Variants in GTF2E2 observed in about 807,000 individuals in gnomAD.
GTF2E2 encodes the protein transcription initiation factor IIE subunit beta.
A neutral mutation model predicts 40.5 loss-of-function variants in GTF2E2; 21 were observed. The ratio of observed to expected loss-of-function variants is 0.52; its 90% CI spans 0.37 to 0.75. The LOEUF (loss-of-function observed/expected upper bound fraction) is 0.75. Among genes scored for constraint, GTF2E2 ranks in the 30% least tolerant of loss-of-function variants. The pLI, the probability that GTF2E2 is intolerant of heterozygous loss-of-function variation, is 0.00. For missense variants in GTF2E2, 298 were observed against 338.4 expected (o/e 0.88, Z 0.94); for synonymous variants, 117 against 121.6 (o/e 0.96, Z 0.25).
At chr8:30,609,193 G>C (rs1327297300) in intron 5 of GTF2E2, among the ~76,000 whole-genome samples, 1 of 151,050 alleles carries the variant, frequency 6.6e-6, no homozygotes, top group Non-Finnish European at 1.5e-5. Flanking sequence ...TTAAACCAAG[G>C]AGACAGAGGT....
chr8:30,608,584 G>C (rs1026926577), intron 5 of GTF2E2, among the ~76,000 whole-genome samples: 1 of 152,138 alleles, frequency 6.6e-6, no homozygotes, highest in Non-Finnish European at 1.5e-5. Context: ...GTGGTAAAAG[G>C]TGATAACTAC....
chr8:30,593,206 GA>G (rs1200623508), intron 6 of GTF2E2, among the ~76,000 whole-genome samples: 2 of 152,124 alleles, frequency 1.3e-5, no homozygotes, highest in Admixed American at 1.3e-4. Flanking sequence ...AGAAAAAAAG[GA>G]AAATACATGC....
At chr8:30,619,683 G>A (rs1264888066) in intron 3 of GTF2E2, among the ~76,000 whole-genome samples, 1 of 151,912 alleles carries the variant, frequency 6.6e-6, no homozygotes, top group Non-Finnish European at 1.5e-5. Context: ...CACTGCGCCT[G>A]GCCAAACTGA....
intron 3 of GTF2E2, among the ~76,000 whole-genome samples, chr8:30,632,203 A>G (rs1801455546): frequency 6.6e-6 from 1 of 152,230 alleles, no homozygotes; most frequent in African/African-American, 2.4e-5. Context: ...TAACATGACA[A>G]GCAGCGCAGA....
intron 2 of GTF2E2, among the ~76,000 whole-genome samples, chr8:30,637,455 T>C (rs1801643274): frequency 6.6e-6 from 1 of 152,200 alleles, no homozygotes; most frequent in African/African-American, 2.4e-5. Flanking sequence ...ATAATACAGA[T>C]ATTTCTATGC....
intron 6 of GTF2E2, among the ~76,000 whole-genome samples, chr8:30,587,629 T>C (rs984297485): frequency 6.6e-6 from 1 of 151,934 alleles, no homozygotes; most frequent in African/African-American, 2.4e-5. Flanking sequence ...TCCCAGCACT[T>C]TGGGAGGCCA....
At chr8:30,645,729 GA>G (rs1374079559) in intron 2 of GTF2E2, 25 of 911,676 alleles carry the variant, frequency 2.7e-5, no homozygotes, top group Non-Finnish European at 3.7e-5. Flanking sequence ...AGTAGAAGGG[GA>G]AAAAAAAGTT....
At chr8:30,634,842 C>T (rs921669218) in intron 3 of GTF2E2, among the ~76,000 whole-genome samples, 190 bp downstream of exon 3, 10 of 152,140 alleles carry the variant, frequency 6.6e-5, no homozygotes, top group African/African-American at 1.2e-4. Flanking sequence ...TTTGGTAACT[C>T]GCCACAATGC....
At chr8:30,619,337 T>C (rs985355545) in intron 3 of GTF2E2, among the ~76,000 whole-genome samples, 7 of 152,138 alleles carry the variant, frequency 4.6e-5, no homozygotes, top group African/African-American at 1.2e-4. Flanking sequence ...AAAATCAAAA[T>C]TGTCAGTAAT....
chr8:30,620,714 CAGTA>C (rs60322240), intron 3 of GTF2E2, among the ~76,000 whole-genome samples: 121,393 of 150,220 alleles, frequency 0.81, 49,859 homozygotes, highest in African/African-American at 0.93. Flanking sequence ...CACCTGAGTT[CAGTA>C]AGTAGTTCAA....
chr8:30,581,629 A>G (rs959986136), intron 6 of GTF2E2, among the ~76,000 whole-genome samples: 4 of 152,230 alleles, frequency 2.6e-5, no homozygotes, highest in Admixed American at 2.6e-4. Context: ...ATGTCTCTAA[A>G]TAAGATTTTT....
intron 2 of GTF2E2, among the ~76,000 whole-genome samples, chr8:30,651,233 GGAAA>G (rs1320515833): frequency 6.6e-6 from 1 of 151,670 alleles, no homozygotes. Flanking sequence ...AGTTCACACC[GGAAA>G]GAAAGAAAGA....
At position 30,607,167 on chromosome 8, in the gene GTF2E2, A is replaced by G; in HGVS notation, c.550-17T>C. ...CCCCAAAGCCTTAAAGATAGATAAAATAAAGATTTTTCAGTTAACTCCAAA... is the reference window on the plus strand; with the variant it reads ...CCCCAAAGCCTTAAAGATAGATAAAGTAAAGATTTTTCAGTTAACTCCAAA... On this transcript the variant is annotated splice_polypyrimidine_tract_variant and intron_variant, in intron 5 of 7. Transcript: ENST00000355904. 9.5e-7 allele frequency: 1 copy of G among 1,053,622 alleles called. No individual in the cohort carries two copies. 65.3% of individuals were successfully genotyped at this position (1,053,622 alleles called of 1,614,324 possible). A position where few individuals can be genotyped will look rare whatever the true frequency, so the allele number is the denominator to read the frequency against.
intron 6 of GTF2E2, among the ~76,000 whole-genome samples, chr8:30,589,814 G>GCA (rs1828790672): frequency 1.3e-5 from 2 of 152,150 alleles, no homozygotes; most frequent in Non-Finnish European, 2.9e-5. Flanking sequence ...CTGAGCAATT[G>GCA]CACTTTTTAC....
chr8:30,584,338 G>C (rs1828610963), intron 6 of GTF2E2, among the ~76,000 whole-genome samples: 1 of 146,386 alleles, frequency 6.8e-6, no homozygotes, highest in Admixed American at 6.7e-5. Flanking sequence ...ATTATAGAAT[G>C]GTATTTAAAA....
chr8:30,618,657 A>C (rs1800996568), intron 3 of GTF2E2, among the ~76,000 whole-genome samples: 4 of 152,152 alleles, frequency 2.6e-5, no homozygotes, highest in Admixed American at 2.6e-4. Context: ...AAAAGGCAAA[A>C]TGTTTCAAAT....
Position 30,602,754 on chromosome 8 carries a change from C to CAAA in GTF2E2, c.643+4300_643+4302dup, listed in dbSNP as rs35330702. On this transcript the variant is annotated intron_variant, in intron 6 of 7. Transcript: ENST00000355904. The stretch of plus-strand genomic sequence containing the variant: ...GGGCAACAAGAGCGAAACTCCGTCT[C>CAAA]AAAAAAAAAAAAAAAAAGGTGTTCA... 1.7e-3 allele frequency among the ~76,000 whole-genome samples: 155 copies of CAAA among 91,942 alleles called. 1 individual carries two copies. Among genetic ancestry groups the CAAA allele is most frequent in the East Asian group, 2.8e-3 (8 of 2,826 alleles). 60.3% of individuals were successfully genotyped at this position (91,942 alleles called of 152,430 possible).
intron 1 of GTF2E2, among the ~76,000 whole-genome samples, chr8:30,654,788 G>T (rs79968743): frequency 6.6e-6 from 1 of 152,050 alleles, no homozygotes; most frequent in Non-Finnish European, 1.5e-5. Context: ...AGAAACATGA[G>T]GACTACAGGG....
chr8:30,602,106 C>G (rs903621443), intron 6 of GTF2E2, among the ~76,000 whole-genome samples: 1 of 151,812 alleles, frequency 6.6e-6, no homozygotes, highest in Non-Finnish European at 1.5e-5. Context: ...CAACCTCCAC[C>G]TCCCAGGTTC....
Sources: allele counts gnomAD v4.1 joint callset (sites outside exome capture counted in the v4.1 genomes callset), GRCh38; gene constraint gnomAD v4.1.1; transcripts MANE v1.5; gene names NCBI Gene and HGNC (gene_info 2026-07-23, HGNC 2026-07-21).